ATP5F1E: variants seen among roughly 807,000 people sequenced by gnomAD.
The protein encoded by ATP5F1E is ATP synthase F1 subunit epsilon.
Under a neutral mutation model 7.0 loss-of-function variants are expected in ATP5F1E, and 5 were observed. The observed-to-expected ratio is 0.71, with a 90% confidence interval of 0.37 to 1.49. The LOEUF is 1.49. ATP5F1E is among the 40% of genes most tolerant of loss of function. The pLI, the probability that ATP5F1E is intolerant of heterozygous loss-of-function variation, is 0.03. For missense variants in ATP5F1E, 59 were observed against 57.1 expected, an observed-to-expected ratio of 1.03 and a Z score of -0.11; for synonymous variants, 20 against 20.1, an observed-to-expected ratio of 0.99 and a Z score of 0.02.
At chr20:59,029,699 G>A (rs774504840) in intron 2 of ATP5F1E, 12 of 160,102 alleles carry the variant, frequency 7.5e-5, no homozygotes, top group Admixed American at 3.0e-4. Flanking sequence ...TATTTCACGA[G>A]AATTTAACTT....
Position 59,028,508 on chromosome 20 carries a change from A to C in ATP5F1E, c.*337T>G, listed in dbSNP as rs1182810838. On this transcript the variant is annotated 3_prime_UTR_variant, in exon 3 of 3. Transcript: ENST00000243997. Reference sequence around the variant, plus strand: ...ATAATTTTGATCACCAATTAATGTCATGAAACAACTATTTTGAGACATTTT... The same window carrying C: ...ATAATTTTGATCACCAATTAATGTCCTGAAACAACTATTTTGAGACATTTT... 6.5e-6 allele frequency: 1 copy of C among 153,108 alleles called. No individual in the cohort carries two copies. Among genetic ancestry groups the C allele is most frequent in the Non-Finnish European group, 1.5e-5 (1 of 68,038 alleles). The allele number at this position is 153,108 out of a possible 1,614,324, so 9.5% of individuals were successfully genotyped here.
At chr20:59,029,656 A>G (rs1051681305) in intron 2 of ATP5F1E, 1 of 152,488 alleles carries the variant, frequency 6.6e-6, no homozygotes, top group Admixed American at 6.5e-5. Context: ...GTGGAACACA[A>G]AAGTCTACAC....
At chr20:59,031,344 A>G (rs1282169320) in intron 1 of ATP5F1E, among the ~76,000 whole-genome samples, 1 of 152,240 alleles carries the variant, frequency 6.6e-6, no homozygotes, top group Non-Finnish European at 1.5e-5. Context: ...AAAAGTATGG[A>G]TCACAGGGTA....
chr20:59,027,737 G>A lies in ATP5F1E; in HGVS notation c.*1108C>T, dbSNP rs1209320194. The A allele has an allele frequency of 6.6e-6, 1 of 152,166 alleles. No homozygotes were observed. Among genetic ancestry groups the A allele is most frequent in the African/African-American group, 2.4e-5 (1 of 41,422 alleles). 9.4% of individuals were successfully genotyped at this position (152,166 alleles called of 1,614,324 possible). On this transcript the variant is annotated 3_prime_UTR_variant, in exon 3 of 3. Coordinates refer to ENST00000243997, the MANE Select transcript of ATP5F1E (RefSeq NM_006886.4). ...CAGAGGCACCCTCTTCCACTCAATT[G>A]GCTCTGCCTCCCTGCTCGCTCTGTG... is the stretch of plus-strand genomic sequence containing the variant.
intron 1 of ATP5F1E, among the ~76,000 whole-genome samples, chr20:59,030,776 A>G (rs528884959): frequency 2.0e-5 from 3 of 152,384 alleles, no homozygotes; most frequent in African/African-American, 7.2e-5. Context: ...TTTAGAGACT[A>G]TAACATGAAT....
Position 59,027,586 on chromosome 20 carries a change from T to C in ATP5F1E, c.*1259A>G, listed in dbSNP as rs1484736401. ...ATTCATTTATTCCTGTTCCCTGTAA[T>C]GGAGGATACTTCCTAGTACCTTAAT... On this transcript the variant is annotated 3_prime_UTR_variant, in exon 3 of 3. Coordinates refer to ENST00000243997, the MANE Select transcript of ATP5F1E (RefSeq NM_006886.4). 2 of 152,210 alleles carry C rather than the reference T, an allele frequency of 1.3e-5. No homozygotes were observed. Among genetic ancestry groups the C allele is most frequent in the East Asian group, 1.9e-4 (1 of 5,200 alleles). 9.4% of individuals were successfully genotyped at this position (152,210 alleles called of 1,614,324 possible).
Position 59,032,277 on chromosome 20 carries a change from G to T in ATP5F1E, c.-26C>A. ...GCTGTAGCGAAAGCGGAGCTCGTCG[G>T]GCCGAATCGCCAAGACGCCGGCAAT... On this transcript the variant is annotated 5_prime_UTR_variant, in exon 1 of 3. Coordinates refer to ENST00000243997, the MANE Select transcript of ATP5F1E (RefSeq NM_006886.4). 6.3e-7 allele frequency: 1 copy of T among 1,596,774 alleles called. No homozygotes were observed. The highest frequency in any genetic ancestry group is 8.5e-7 in the Non-Finnish European group (1 of 1,172,090).
At position 59,032,311 on chromosome 20, in the gene ATP5F1E, A is replaced by T; in HGVS notation, c.-60T>A. The T allele has an allele frequency of 6.4e-7, 1 of 1,570,716 alleles. No homozygotes were observed. The highest frequency in any genetic ancestry group is 8.6e-7 in the Non-Finnish European group (1 of 1,157,534). On this transcript the variant is annotated 5_prime_UTR_variant, in exon 1 of 3. Transcript: ENST00000243997. ...GCCAAGACGCCGGCAATGTCGGCTCAGCCGGGCGGTTCAGCCGCAGGAAGA... is the reference window on the plus strand; with the variant it reads ...GCCAAGACGCCGGCAATGTCGGCTCTGCCGGGCGGTTCAGCCGCAGGAAGA...
intron 1 of ATP5F1E, among the ~76,000 whole-genome samples, chr20:59,031,594 G>A (rs1433410674): frequency 6.6e-6 from 1 of 152,234 alleles, no homozygotes; most frequent in Non-Finnish European, 1.5e-5. Context: ...CCAATGGTTT[G>A]CGGTTCCACT....
chr20:59,030,201 G>A lies in ATP5F1E; in HGVS notation c.*3+102C>T, dbSNP rs929338278. 180 of 1,459,058 alleles carry A rather than the reference G, an allele frequency of 1.2e-4. No homozygotes were observed. In the East Asian group the frequency reaches 3.9e-3, roughly 31 times the overall value. 90.4% of individuals were successfully genotyped at this position (1,459,058 alleles called of 1,614,324 possible). A position where few individuals can be genotyped will look rare whatever the true frequency, so the allele number is the denominator to read the frequency against. On this transcript the variant is annotated intron_variant, in intron 2 of 2. Transcript: ENST00000243997. ...CCAATAACTAACTTCCAAATACACT[G>A]ACTAAAAAATGAATAGAACCCAAAA... is the stretch of plus-strand genomic sequence containing the variant.
intron 2 of ATP5F1E, chr20:59,029,442 T>C (rs1047380809): frequency 1.3e-5 from 2 of 152,194 alleles, no homozygotes; most frequent in African/African-American, 4.8e-5. Context: ...GGGGAGACAG[T>C]TCCAATAAGT....
intron 2 of ATP5F1E, 28 bp downstream of exon 2, chr20:59,030,275 T>C (rs1388056137): frequency 1.2e-6 from 2 of 1,611,620 alleles, no homozygotes; most frequent in Admixed American, 1.7e-5. Context: ...AAGATGCAAC[T>C]GTTCTTCTAA....
intron 2 of ATP5F1E, 184 bp from the exon 3 acceptor site, chr20:59,029,025 T>C (rs910638704): frequency 6.5e-6 from 1 of 152,708 alleles, no homozygotes; most frequent in Non-Finnish European, 1.5e-5. Context: ...GCAGGCATTT[T>C]CCTGCTGAGT....
In ATP5F1E at chr20:59,027,414, T is replaced by A. The variant is rs2092000164; in HGVS notation, c.*1431A>T. 6.6e-6 allele frequency: 1 copy of A among 152,104 alleles called. No individual in the cohort carries two copies. The highest frequency in any genetic ancestry group is 1.5e-5 in the Non-Finnish European group (1 of 67,998). 9.4% of individuals were successfully genotyped at this position (152,104 alleles called of 1,614,324 possible). On this transcript the variant is annotated 3_prime_UTR_variant, in exon 3 of 3. Coordinates refer to ENST00000243997, the MANE Select transcript of ATP5F1E (RefSeq NM_006886.4). Reference sequence around the variant, plus strand: ...CAATAATCTACCAATATACTAGCAATCTACTATGCCATCTATATACCAATA... The same window carrying A: ...CAATAATCTACCAATATACTAGCAAACTACTATGCCATCTATATACCAATA...
Position 59,027,868 on chromosome 20 carries a change from G to A in ATP5F1E, c.*977C>T, listed in dbSNP as rs2092002708. ...CGGCTTATCCTCGGCATTGCTGACAGTGGCCCTGATAAATCATTGTGAGCT... is the reference window on the plus strand; with the variant it reads ...CGGCTTATCCTCGGCATTGCTGACAATGGCCCTGATAAATCATTGTGAGCT... On this transcript the variant is annotated 3_prime_UTR_variant, in exon 3 of 3. Coordinates refer to ENST00000243997, the MANE Select transcript of ATP5F1E (RefSeq NM_006886.4). The A allele has an allele frequency of 6.6e-6, 1 of 152,244 alleles. No homozygotes were observed. Among genetic ancestry groups the A allele is most frequent in the Non-Finnish European group, 1.5e-5 (1 of 68,046 alleles). The allele number at this position is 152,244 out of a possible 1,614,324, so 9.4% of individuals were successfully genotyped here.
intron 2 of ATP5F1E, chr20:59,029,135 A>G (rs1362473828): frequency 6.6e-6 from 1 of 152,228 alleles, no homozygotes; most frequent in Non-Finnish European, 1.5e-5. Context: ...CCTGAAGGGC[A>G]TAACAGAGAG....
intron 2 of ATP5F1E, chr20:59,029,639 T>C (rs1213375598): frequency 6.6e-6 from 1 of 152,356 alleles, no homozygotes; most frequent in African/African-American, 2.4e-5. Flanking sequence ...CAAACCACTT[T>C]TATAATGTGG....
At chr20:59,031,369 C>T (rs1369282943) in intron 1 of ATP5F1E, among the ~76,000 whole-genome samples, 1 of 152,188 alleles carries the variant, frequency 6.6e-6, no homozygotes, top group Non-Finnish European at 1.5e-5. Flanking sequence ...GCCTAATAAA[C>T]GGTATCTACT....
chr20:59,026,729 T>C lies in ATP5F1E; in HGVS notation c.*2116A>G, dbSNP rs769340156. The C allele has an allele frequency of 2.0e-5, 3 of 152,240 alleles. No homozygotes were observed. Among genetic ancestry groups the C allele is most frequent in the Non-Finnish European group, 4.4e-5 (3 of 68,042 alleles). The allele number at this position is 152,240 out of a possible 1,614,324, so 9.4% of individuals were successfully genotyped here. A position where few individuals can be genotyped will look rare whatever the true frequency, so the allele number is the denominator to read the frequency against. On this transcript the variant is annotated 3_prime_UTR_variant, in exon 3 of 3. Transcript: ENST00000243997. The stretch of plus-strand genomic sequence containing the variant: ...TACTCTTTCGTATGGTAGAAATAGA[T>C]GTAAAAACACAAAACAAACTAGAAA...
Sources: gnomAD v4.1 joint callset for allele counts (sites outside exome capture counted in the v4.1 genomes callset) on GRCh38, gnomAD v4.1.1 for gene constraint, MANE v1.5 for transcripts, NCBI Gene and HGNC (gene_info 2026-07-23, HGNC 2026-07-21) for gene names.